ACER2: variants seen among roughly 807,000 people sequenced by gnomAD.
The protein encoded by ACER2 is alkaline ceramidase 2, also known as alkCDase 2.
ACER2 carries 26 observed loss-of-function variants against 34.7 expected under a neutral mutation model. The ratio of observed to expected loss-of-function variants is 0.75; its 90% confidence interval spans 0.55 to 1.04. The LOEUF is 1.04. Among genes scored for constraint, ACER2 ranks in the 50% least tolerant of loss-of-function variants. The pLI is 0.00. For synonymous variants in ACER2, 138 were observed against 132.1 expected (o/e 1.04, Z -0.31); for missense variants, 352 against 340.8 (o/e 1.03, Z -0.26).
chr9:19,449,542 G>A (rs188140410), intron 5 of ACER2, among the ~76,000 whole-genome samples: 57 of 152,236 alleles, frequency 3.7e-4, no homozygotes, highest in African/African-American at 1.3e-3. Context: ...TGGATTTTGT[G>A]TAATTTTTAA....
chr9:19,440,365 A>G (rs1352123220), intron 4 of ACER2, among the ~76,000 whole-genome samples: 2 of 152,122 alleles, frequency 1.3e-5, no homozygotes, highest in Non-Finnish European at 2.9e-5. Context: ...CTGAATTCAT[A>G]TGTTGAAATA....
chr9:19,436,238 T>G (rs1830969405), intron 4 of ACER2, among the ~76,000 whole-genome samples: 1 of 152,288 alleles, frequency 6.6e-6, no homozygotes, highest in East Asian at 1.9e-4. Flanking sequence ...CTTGAATCCC[T>G]TGCAGTCTGG....
At chr9:19,413,572 C>T in intron 1 of ACER2, among the ~76,000 whole-genome samples, 1 of 150,546 alleles carries the variant, frequency 6.6e-6, no homozygotes, top group South Asian at 2.1e-4. Context: ...TGCATTCCAG[C>T]CTGGGTGACA....
rs79755146 is a variant in ACER2, at chr9:19,414,891, A to G, written c.108+5699A>G. 7.9e-3 allele frequency among the ~76,000 whole-genome samples: 1,205 copies of G among 151,760 alleles called. 13 individuals are homozygous for G. The highest frequency in any genetic ancestry group is 0.014 in the South Asian group (66 of 4,804). On this transcript the variant is annotated intron_variant, in intron 1 of 5. Coordinates refer to ENST00000340967, the MANE Select transcript of ACER2 (RefSeq NM_001010887.3). ...TAGCCCTTGAGTGCACTATTCTACA[A>G]TTTCAGCGACCAATACAATTTTGAG...
intron 4 of ACER2, among the ~76,000 whole-genome samples, chr9:19,439,603 G>C (rs1831081395): frequency 6.6e-6 from 1 of 152,144 alleles, no homozygotes; most frequent in Non-Finnish European, 1.5e-5. Context: ...CAAACACCCA[G>C]CCTGGACTAA....
At chr9:19,427,899 C>G (rs1376069396) in intron 3 of ACER2, among the ~76,000 whole-genome samples, 4 of 152,126 alleles carry the variant, frequency 2.6e-5, no homozygotes, top group East Asian at 1.9e-4. Flanking sequence ...ATCTCCTGCC[C>G]TTGTGATCTG....
At chr9:19,431,813 C>T (rs1191599704) in intron 3 of ACER2, among the ~76,000 whole-genome samples, 1 of 152,166 alleles carries the variant, frequency 6.6e-6, no homozygotes, top group Non-Finnish European at 1.5e-5. Context: ...TGATGAATGG[C>T]TTTCGTATTT....
chr9:19,428,007 T>TC (rs1830626360), intron 3 of ACER2, among the ~76,000 whole-genome samples: 2 of 76,236 alleles, frequency 2.6e-5, no homozygotes, highest in Non-Finnish European at 5.2e-5. Flanking sequence ...TCCTTTTTCC[T>TC]TTTTCCTTTC....
chr9:19,431,329 T>G (rs1350193605), intron 3 of ACER2, among the ~76,000 whole-genome samples: 1 of 152,102 alleles, frequency 6.6e-6, no homozygotes, highest in South Asian at 2.1e-4. Flanking sequence ...TACTAAGCAA[T>G]GGAGGCAGGA....
intron 3 of ACER2, among the ~76,000 whole-genome samples, 183 bp downstream of exon 3, chr9:19,425,024 A>G (rs1830517601): frequency 6.6e-6 from 1 of 152,250 alleles, no homozygotes; most frequent in African/African-American, 2.4e-5. Flanking sequence ...CAGATTAAAG[A>G]GAGAATTTTA....
intron 3 of ACER2, among the ~76,000 whole-genome samples, chr9:19,433,592 CTT>C (rs1469753866): frequency 6.6e-6 from 1 of 152,274 alleles, no homozygotes; most frequent in East Asian, 1.9e-4. Context: ...ATTTCTCAAT[CTT>C]TTCCCCACCT....
At chr9:19,427,149 A>C (rs1457668972) in intron 3 of ACER2, among the ~76,000 whole-genome samples, 1 of 152,184 alleles carries the variant, frequency 6.6e-6, no homozygotes, top group Non-Finnish European at 1.5e-5. Flanking sequence ...AATTAGGTAA[A>C]CAATAGTGTT....
chr9:19,439,635 A>G (rs1381005666), intron 4 of ACER2, among the ~76,000 whole-genome samples: 1 of 152,166 alleles, frequency 6.6e-6, no homozygotes, highest in Non-Finnish European at 1.5e-5. Flanking sequence ...ATCTCTAGCT[A>G]CTACCCTTTC....
In ACER2 at chr9:19,423,905, G is replaced by A. The variant is rs771570861; in HGVS notation, c.152G>A (p.Cys51Tyr). Reference protein sequence around the residue: ...LFFILPPICMCLFRQYATCFN... With the variant: ...LFFILPPICMYLFRQYATCFN... ...TTCATTTTACCGCCCATCTGCATGT[G>A]CTTGTTTCGTCAGTATGCAACATGC... Residue 51 changes from cysteine (C) to tyrosine (Y), a missense_variant, in exon 2 of 6, where the codon TGC becomes TAC. By Grantham distance (194) the Cys-to-Tyr change is radical (BLOSUM62 -2). Coordinates refer to ENST00000340967, the MANE Select transcript of ACER2 (RefSeq NM_001010887.3). 9 of 1,613,920 alleles carry A rather than the reference G, an allele frequency of 5.6e-6. No homozygotes were observed. The highest frequency in any genetic ancestry group is 7.6e-6 in the Non-Finnish European group (9 of 1,179,980).
chr9:19,431,393 C>T (rs1219881604), intron 3 of ACER2, among the ~76,000 whole-genome samples: 1 of 152,180 alleles, frequency 6.6e-6, no homozygotes, highest in Non-Finnish European at 1.5e-5. Flanking sequence ...CACTCTGTTA[C>T]CCTCTCTGAC....
chr9:19,421,207 A>G lies in ACER2; in HGVS notation c.109-2655A>G, dbSNP rs530966534. On this transcript the variant is annotated intron_variant, in intron 1 of 5. Coordinates refer to ENST00000340967, the MANE Select transcript of ACER2 (RefSeq NM_001010887.3). ...AAAAGCTCCATTATAATATGGGTCC[A>G]CTGTCATATGTGTGGCTCATTGTTG... 3.3e-5 allele frequency among the ~76,000 whole-genome samples: 5 copies of G among 152,364 alleles called. No individual in the cohort carries two copies. The East Asian group carries it at 7.7e-4, about 23-fold the overall frequency.
rs367796176 is a variant in ACER2 at position 19,428,677 on chromosome 9, A to G, written c.365+3836A>G. 3.9e-4 allele frequency among the ~76,000 whole-genome samples: 59 copies of G among 152,000 alleles called. 1 individual carries two copies. Among genetic ancestry groups the G allele is most frequent in the South Asian group, 1.5e-3 (7 of 4,814 alleles). On this transcript the variant is annotated intron_variant, in intron 3 of 5. Transcript: ENST00000340967. ...GTATCTTCCTGATGGGATCAGAAAT[A>G]CATGGGAAAATTACGTAAGGCCTAT...
chr9:19,415,279 T>C (rs1284067694), intron 1 of ACER2, among the ~76,000 whole-genome samples: 3 of 152,084 alleles, frequency 2.0e-5, no homozygotes, highest in African/African-American at 7.2e-5. Context: ...TCACTTGAGG[T>C]CAGGAGTTCA....
At chr9:19,428,507 A>T (rs1589047957) in intron 3 of ACER2, among the ~76,000 whole-genome samples, 1 of 152,138 alleles carries the variant, frequency 6.6e-6, no homozygotes, top group Non-Finnish European at 1.5e-5. Flanking sequence ...AAACAGTTTT[A>T]ATGTGAGATT....
Sources: allele counts gnomAD v4.1 joint callset (sites outside exome capture counted in the v4.1 genomes callset), GRCh38; gene constraint gnomAD v4.1.1; transcripts MANE v1.5; gene names NCBI Gene and HGNC (gene_info 2026-07-23, HGNC 2026-07-21).